TCF7L1: variants seen among roughly 807,000 people sequenced by gnomAD.
The protein encoded by TCF7L1 is transcription factor 7 like 1, also known as transcription factor 7-like 1.
TCF7L1 carries 18 observed loss-of-function variants against 63.7 expected under a neutral mutation model. The observed-to-expected ratio is 0.28, with a 90% CI of 0.20 to 0.42. The LOEUF (loss-of-function observed/expected upper bound fraction) is 0.42, where lower values mean the gene tolerates loss of function less well. Ranked by LOEUF, TCF7L1 falls within the 10% of genes least tolerant of loss-of-function variation. The pLI is 1.00. For synonymous variants in TCF7L1, 355 were observed against 340.9 expected, an observed-to-expected ratio of 1.04 and a Z score of -0.46; for missense variants, 654 against 779.3, an observed-to-expected ratio of 0.84 and a Z score of 1.91.
chr2:85,181,846 A>C (rs1678810409), intron 3 of TCF7L1, among the ~76,000 whole-genome samples: 1 of 152,182 alleles, frequency 6.6e-6, no homozygotes, highest in South Asian at 2.1e-4. Context: ...AGTGGGTGTC[A>C]GTTTAACAAG....
chr2:85,299,008 G>T (rs1270425277), intron 4 of TCF7L1, among the ~76,000 whole-genome samples: 1 of 150,986 alleles, frequency 6.6e-6, no homozygotes, highest in Admixed American at 6.6e-5. Context: ...ACTATACATA[G>T]ATCTTCAAAT....
At chr2:85,307,818 T>A in intron 11 of TCF7L1, 101 bp downstream of exon 11, 1 of 1,108,712 alleles carries the variant, frequency 9.0e-7, no homozygotes, top group Non-Finnish European at 1.4e-6. Flanking sequence ...GGCTTCTGCC[T>A]CGGTATTCGC....
At chr2:85,253,116 G>A (rs188559333) in intron 3 of TCF7L1, among the ~76,000 whole-genome samples, 68 of 152,304 alleles carry the variant, frequency 4.5e-4, no homozygotes, top group African/African-American at 1.4e-3. Context: ...AACAGACCGT[G>A]AGCCAGTGTC....
intron 3 of TCF7L1, among the ~76,000 whole-genome samples, chr2:85,231,004 G>A (rs938668437): frequency 2.6e-5 from 4 of 152,174 alleles, no homozygotes; most frequent in African/African-American, 9.7e-5. Flanking sequence ...CAGGAATAAT[G>A]CTCTATTTAG....
In TCF7L1 at chr2:85,290,783, G is replaced by C. The variant is rs60491298; in HGVS notation, c.525+7205G>C. Among the ~76,000 whole-genome samples, 6 of 152,298 alleles carry C rather than the reference G, an allele frequency of 3.9e-5. No individual in the cohort carries two copies. In the East Asian group the frequency reaches 9.6e-4, roughly 24 times the overall value. On this transcript the variant is annotated intron_variant, in intron 4 of 11. Transcript: ENST00000282111. Reference sequence around the variant, plus strand: ...AGCTGGCAGGCTGGAGACTGGCAGGGAAGAGTTACAGTCTAAGTCTAAAGG... The same window carrying C: ...AGCTGGCAGGCTGGAGACTGGCAGGCAAGAGTTACAGTCTAAGTCTAAAGG...
Position 85,288,882 on chromosome 2 carries a change from C to T in TCF7L1, c.525+5304C>T, listed in dbSNP as rs1321540021. Among the ~76,000 whole-genome samples the T allele has an allele frequency of 5.3e-5, 8 of 152,080 alleles. No individual in the cohort carries two copies. In the East Asian group the frequency reaches 1.5e-3, roughly 29 times the overall value. On this transcript the variant is annotated intron_variant, in intron 4 of 11. Transcript: ENST00000282111. ...CAGTGTCCCCCAGGAGCACTGTGTC[C>T]AGCCACGCAAAACACATATATGCCC...
intron 3 of TCF7L1, among the ~76,000 whole-genome samples, chr2:85,257,573 C>A (rs1272005778): frequency 2.6e-5 from 4 of 152,198 alleles, no homozygotes; most frequent in South Asian, 2.1e-4. Context: ...CCAAGGGCCC[C>A]CCTTGGAGTG....
At chr2:85,207,578 A>T (rs1679437745) in intron 3 of TCF7L1, among the ~76,000 whole-genome samples, 1 of 151,688 alleles carries the variant, frequency 6.6e-6, no homozygotes, top group African/African-American at 2.4e-5. Context: ...ATTAGCTTTT[A>T]CTAAAGGGTG....
intron 3 of TCF7L1, among the ~76,000 whole-genome samples, chr2:85,230,278 T>G (rs1227351513): frequency 2.0e-5 from 3 of 152,232 alleles, no homozygotes; most frequent in African/African-American, 7.2e-5. Flanking sequence ...TTTTTCTGAA[T>G]TTAGGATTAG....
chr2:85,268,455 G>T (rs965939919), intron 3 of TCF7L1, among the ~76,000 whole-genome samples: 3 of 149,740 alleles, frequency 2.0e-5, no homozygotes, highest in African/African-American at 7.3e-5. Context: ...CCCAAAGGGC[G>T]AATAAGATTG....
At chr2:85,142,064 A>C (rs894485630) in intron 3 of TCF7L1, among the ~76,000 whole-genome samples, 6 of 152,176 alleles carry the variant, frequency 3.9e-5, no homozygotes, top group Non-Finnish European at 7.4e-5. Flanking sequence ...AAGACATGGC[A>C]CACCTGGGAA....
At chr2:85,155,588 G>A (rs1369766268) in intron 3 of TCF7L1, among the ~76,000 whole-genome samples, 3 of 152,146 alleles carry the variant, frequency 2.0e-5, no homozygotes, top group Non-Finnish European at 2.9e-5. Context: ...TCTAGTCTTC[G>A]TACTTCATTT....
intron 3 of TCF7L1, among the ~76,000 whole-genome samples, chr2:85,210,958 C>T (rs1679527823): frequency 6.6e-6 from 1 of 152,212 alleles, no homozygotes; most frequent in Non-Finnish European, 1.5e-5. Flanking sequence ...GCACCACCCA[C>T]TCTGCACTGC....
At chr2:85,160,740 T>C (rs1678264491) in intron 3 of TCF7L1, among the ~76,000 whole-genome samples, 1 of 151,344 alleles carries the variant, frequency 6.6e-6, no homozygotes, top group Non-Finnish European at 1.5e-5. Context: ...CTGTCCCAAC[T>C]ACTCAGGAGG....
intron 3 of TCF7L1, among the ~76,000 whole-genome samples, chr2:85,269,351 T>C (rs1681089765): frequency 6.6e-6 from 1 of 152,256 alleles, no homozygotes; most frequent in African/African-American, 2.4e-5. Flanking sequence ...TAAGCAACAG[T>C]ATCCAAGATA....
intron 3 of TCF7L1, among the ~76,000 whole-genome samples, chr2:85,140,548 C>T (rs1055448412): frequency 1.3e-5 from 2 of 152,116 alleles, no homozygotes; most frequent in African/African-American, 4.8e-5. Context: ...TCTGTAATCC[C>T]AGCTCTTTGG....
At chr2:85,221,210 C>T (rs1033299244) in intron 3 of TCF7L1, among the ~76,000 whole-genome samples, 2 of 152,114 alleles carry the variant, frequency 1.3e-5, no homozygotes, top group Admixed American at 1.3e-4. Flanking sequence ...ACACTGGTCT[C>T]CTTTGGAGGA....
intron 3 of TCF7L1, among the ~76,000 whole-genome samples, chr2:85,178,301 T>A (rs1031354277): frequency 1.3e-5 from 2 of 152,280 alleles, no homozygotes; most frequent in African/African-American, 2.4e-5. Context: ...CTTCCTTTCA[T>A]GGTGGTAAAC....
At chr2:85,182,873 C>T (rs1053017197) in intron 3 of TCF7L1, among the ~76,000 whole-genome samples, 1 of 152,184 alleles carries the variant, frequency 6.6e-6, no homozygotes, top group Non-Finnish European at 1.5e-5. Flanking sequence ...TGTGAAAATA[C>T]ATTGCTGGGT....
Sources: gnomAD v4.1 joint callset for allele counts (sites outside exome capture counted in the v4.1 genomes callset) on GRCh38, gnomAD v4.1.1 for gene constraint, MANE v1.5 for transcripts, NCBI Gene and HGNC (gene_info 2026-07-23, HGNC 2026-07-21) for gene names.